Variants in ARHGAP15 observed in about 807,000 individuals in gnomAD.
The protein encoded by ARHGAP15 is Rho GTPase activating protein 15, also known as rho GTPase-activating protein 15.
Under a neutral mutation model 63.7 loss-of-function variants are expected in ARHGAP15, and 51 were observed. The ratio of observed to expected loss-of-function variants is 0.80; its 90% CI spans 0.64 to 1.01. The LOEUF (loss-of-function observed/expected upper bound fraction) is 1.01. Ranked by LOEUF, ARHGAP15 falls within the 50% of genes least tolerant of loss-of-function variation. ARHGAP15 has a pLI of 0.00. For missense variants in ARHGAP15, 560 were observed against 564.6 expected (o/e 0.99, Z 0.08); for synonymous variants, 191 against 193.8 (o/e 0.99, Z 0.12).
At chr2:143,294,687 C>G (rs1445675879) in intron 6 of ARHGAP15, among the ~76,000 whole-genome samples, 1 of 151,998 alleles carries the variant, frequency 6.6e-6, no homozygotes, top group African/African-American at 2.4e-5. Context: ...GGGGGACAGC[C>G]ACTTTCCAGC....
intron 11 of ARHGAP15, among the ~76,000 whole-genome samples, chr2:143,589,790 G>A (rs541209621): frequency 6.6e-6 from 1 of 152,104 alleles, no homozygotes; most frequent in Non-Finnish European, 1.5e-5. Flanking sequence ...AAAAACAGAA[G>A]CACTAAAGCT....
intron 6 of ARHGAP15, among the ~76,000 whole-genome samples, chr2:143,365,360 TC>T (rs1235532755): frequency 1.3e-5 from 2 of 152,220 alleles, no homozygotes; most frequent in African/African-American, 2.4e-5. Context: ...TTGCTTTAGG[TC>T]TTAGGGAAAT....
intron 12 of ARHGAP15, among the ~76,000 whole-genome samples, chr2:143,675,976 A>G (rs1252579936): frequency 6.6e-6 from 1 of 152,236 alleles, no homozygotes; most frequent in African/African-American, 2.4e-5. Context: ...TTTATTGTTT[A>G]GTGTAACCAC....
intron 6 of ARHGAP15, among the ~76,000 whole-genome samples, chr2:143,372,338 A>T (rs1574349342): frequency 8.1e-6 from 1 of 123,598 alleles, no homozygotes; most frequent in Non-Finnish European, 1.7e-5. Flanking sequence ...AATAAAATGG[A>T]GTAGTCGATT....
chr2:143,253,143 T>A (rs1442629432), intron 6 of ARHGAP15, among the ~76,000 whole-genome samples: 5 of 151,570 alleles, frequency 3.3e-5, no homozygotes, highest in African/African-American at 4.8e-5. Flanking sequence ...ACTATTGAGA[T>A]TTTTGGTTCA....
At chr2:143,739,032 T>C (rs779368279) in intron 13 of ARHGAP15, among the ~76,000 whole-genome samples, 6 of 152,106 alleles carry the variant, frequency 3.9e-5, no homozygotes, top group African/African-American at 7.2e-5. Flanking sequence ...TGTGTCCTAT[T>C]ATGGAGCTGA....
intron 6 of ARHGAP15, among the ~76,000 whole-genome samples, chr2:143,262,996 C>A (rs1164070109): frequency 6.6e-6 from 1 of 152,120 alleles, no homozygotes; most frequent in Non-Finnish European, 1.5e-5. Flanking sequence ...ACTGGAGACA[C>A]CATGTCATGT....
At chr2:143,471,139 A>G (rs1691535681) in intron 8 of ARHGAP15, among the ~76,000 whole-genome samples, 1 of 147,066 alleles carries the variant, frequency 6.8e-6, no homozygotes, top group Admixed American at 6.7e-5. Flanking sequence ...ATGTATACAC[A>G]CATGTGTGTG....
chr2:143,634,171 G>A (rs1382144622), intron 12 of ARHGAP15, among the ~76,000 whole-genome samples: 1 of 151,950 alleles, frequency 6.6e-6, no homozygotes. Flanking sequence ...TTGGTACCCT[G>A]GCTCTTCTTT....
chr2:143,374,752 C>T (rs1686727567), intron 6 of ARHGAP15, among the ~76,000 whole-genome samples: 1 of 152,176 alleles, frequency 6.6e-6, no homozygotes, highest in Non-Finnish European at 1.5e-5. Context: ...ATCCTCCTGC[C>T]TTGGCTTCCC....
At chr2:143,165,958 G>GA (rs1558787539) in intron 2 of ARHGAP15, among the ~76,000 whole-genome samples, 1 of 109,338 alleles carries the variant, frequency 9.1e-6, no homozygotes, top group African/African-American at 3.5e-5. Context: ...AAGAAAGAAA[G>GA]AGAGAAAGAA....
At chr2:143,396,218 C>T (rs569555676) in intron 6 of ARHGAP15, among the ~76,000 whole-genome samples, 17 of 152,080 alleles carry the variant, frequency 1.1e-4, no homozygotes, top group African/African-American at 4.1e-4. Flanking sequence ...TATTTTATTC[C>T]GCTGTGTTTG....
At chr2:143,143,502 T>G (rs992384726) in intron 1 of ARHGAP15, among the ~76,000 whole-genome samples, 1 of 151,964 alleles carries the variant, frequency 6.6e-6, no homozygotes, top group Admixed American at 6.6e-5. Flanking sequence ...GATACATAAT[T>G]TTGTGGATTT....
At chr2:143,379,480 C>CAT (rs758477926) in intron 6 of ARHGAP15, among the ~76,000 whole-genome samples, 2,603 of 97,594 alleles carry the variant, frequency 0.027, 52 homozygotes, top group African/African-American at 0.07. Context: ...GGTTTTTAGG[C>CAT]ATATATATGT....
chr2:143,681,463 T>C (rs1683098122), intron 12 of ARHGAP15, among the ~76,000 whole-genome samples: 2 of 152,116 alleles, frequency 1.3e-5, no homozygotes, highest in South Asian at 2.1e-4. Flanking sequence ...TCTTTGAAAA[T>C]TTGTCTTGAC....
At chr2:143,222,253 G>A (rs1693032422) in intron 4 of ARHGAP15, among the ~76,000 whole-genome samples, 1 of 152,154 alleles carries the variant, frequency 6.6e-6, no homozygotes, top group Non-Finnish European at 1.5e-5. Context: ...AATCAATCAG[G>A]GACATTAGAA....
At chr2:143,187,055 C>G (rs925576043) in intron 2 of ARHGAP15, among the ~76,000 whole-genome samples, 2 of 152,060 alleles carry the variant, frequency 1.3e-5, no homozygotes, top group African/African-American at 4.8e-5. Context: ...GATCTAGTGG[C>G]CCCTCACCCG....
At chr2:143,412,211 G>A (rs1200622285) in intron 6 of ARHGAP15, among the ~76,000 whole-genome samples, 1 of 152,164 alleles carries the variant, frequency 6.6e-6, no homozygotes, top group Non-Finnish European at 1.5e-5. Context: ...GAAGCTCTAT[G>A]TCGTGTTTTT....
chr2:143,662,143 CCT>C (rs1681841649), intron 12 of ARHGAP15, among the ~76,000 whole-genome samples: 4 of 152,230 alleles, frequency 2.6e-5, no homozygotes, highest in Admixed American at 2.0e-4. Flanking sequence ...AAAGCAGTAA[CCT>C]CTGCAGACTT....
Sources: allele counts gnomAD v4.1 joint callset (sites outside exome capture counted in the v4.1 genomes callset), GRCh38; gene constraint gnomAD v4.1.1; transcripts MANE v1.5; gene names NCBI Gene and HGNC (gene_info 2026-07-23, HGNC 2026-07-21).